The following ADAMTSL1 variants were observed in gnomAD, a reference collection of about 807,000 sequenced individuals.
ADAMTSL1 encodes the protein ADAMTS like 1, also known as ADAMTS-like protein 1.
ADAMTSL1 carries 126 observed loss-of-function variants against 201.8 expected under a neutral mutation model. The observed-to-expected ratio is 0.62, with a 90% confidence interval of 0.54 to 0.72. The LOEUF is 0.72. Ranked by LOEUF, ADAMTSL1 falls within the 30% of genes least tolerant of loss-of-function variation. The pLI is 0.00. For missense variants in ADAMTSL1, 2,679 were observed against 2,277.8 expected, an observed-to-expected ratio of 1.18 and a Z score of -3.59; for synonymous variants, 1,121 against 903.4, an observed-to-expected ratio of 1.24 and a Z score of -4.32.
At chr9:18,366,278 G>C (rs1836762813) in intron 2 of ADAMTSL1, among the ~76,000 whole-genome samples, 1 of 151,452 alleles carries the variant, frequency 6.6e-6, no homozygotes. Flanking sequence ...GCTTATACAA[G>C]TTTTTCATAG....
intron 2 of ADAMTSL1, among the ~76,000 whole-genome samples, chr9:18,168,139 G>GTCCC (rs1563780353): frequency 7.9e-5 from 12 of 151,796 alleles, no homozygotes; most frequent in Non-Finnish European, 1.6e-4. Context: ...AATACTTTAA[G>GTCCC]TTTTAGGATA....
At chr9:18,434,717 A>C (rs190929097) in intron 2 of ADAMTSL1, among the ~76,000 whole-genome samples, 9 of 152,266 alleles carry the variant, frequency 5.9e-5, no homozygotes, top group Admixed American at 5.2e-4. Context: ...GAATTGAAAC[A>C]CTCAAATGGC....
At chr9:18,798,063 C>T (rs868411507) in intron 20 of ADAMTSL1, among the ~76,000 whole-genome samples, 4 of 151,098 alleles carry the variant, frequency 2.6e-5, no homozygotes, top group South Asian at 2.1e-4. Flanking sequence ...GGGGTTTTTT[C>T]CTGGACTTTA....
chr9:18,782,576 A>G (rs1203632122), intron 19 of ADAMTSL1, among the ~76,000 whole-genome samples: 1 of 152,262 alleles, frequency 6.6e-6, no homozygotes, highest in Admixed American at 6.5e-5. Context: ...GTACTAAATA[A>G]TAGTGAATGA....
chr9:18,676,639 C>T (rs1830147346), intron 10 of ADAMTSL1, among the ~76,000 whole-genome samples: 1 of 151,952 alleles, frequency 6.6e-6, no homozygotes, highest in South Asian at 2.1e-4. Flanking sequence ...GGAAACAGCT[C>T]CACAGAGAGC....
At chr9:18,785,316 T>C (rs1821639843) in intron 19 of ADAMTSL1, among the ~76,000 whole-genome samples, 1 of 152,214 alleles carries the variant, frequency 6.6e-6, no homozygotes, top group Admixed American at 6.5e-5. Flanking sequence ...CCAGCATAAA[T>C]TAACATTCAA....
At chr9:18,052,148 C>T (rs1425237699) in intron 1 of ADAMTSL1, among the ~76,000 whole-genome samples, 1 of 152,214 alleles carries the variant, frequency 6.6e-6, no homozygotes, top group African/African-American at 2.4e-5. Context: ...ATACTTCTAT[C>T]AGTCAATGAG....
chr9:18,681,705 G>GGC (rs1830496348), intron 11 of ADAMTSL1, 107 bp from the exon 12 acceptor site: 8 of 721,092 alleles, frequency 1.1e-5, no homozygotes, highest in South Asian at 3.1e-5. Context: ...TGTGGGGGGG[G>GGC]GGGGCGGGGA....
chr9:18,217,625 A>C (rs1226675808), intron 2 of ADAMTSL1, among the ~76,000 whole-genome samples: 1 of 152,172 alleles, frequency 6.6e-6, no homozygotes, highest in Non-Finnish European at 1.5e-5. Context: ...GGTTATGTCT[A>C]AATGTAGTTT....
chr9:18,076,103 A>G lies in ADAMTSL1; in HGVS notation c.88-87759A>G, dbSNP rs375760173. Among the ~76,000 whole-genome samples, 17 of 152,330 alleles carry G rather than the reference A, an allele frequency of 1.1e-4. No homozygotes were observed. In the East Asian group the frequency reaches 2.3e-3, roughly 21 times the overall value. On this transcript the variant is annotated intron_variant, in intron 1 of 29. Coordinates refer to the ADAMTSL1 transcript ENST00000680146. Reference sequence around the variant, plus strand: ...TTTGGTTTCTCTAAACAATGTGCCAATGAATAATTGTGACTTCCTCAAATC... The same window carrying G: ...TTTGGTTTCTCTAAACAATGTGCCAGTGAATAATTGTGACTTCCTCAAATC...
At chr9:18,503,968 A>G (rs1467808974) in intron 1 of ADAMTSL1, among the ~76,000 whole-genome samples, 2 of 141,788 alleles carry the variant, frequency 1.4e-5, no homozygotes, top group Admixed American at 7.4e-5. Flanking sequence ...TTCCTATATA[A>G]TATGTGCATG....
intron 1 of ADAMTSL1, among the ~76,000 whole-genome samples, chr9:18,050,040 A>T (rs958170455): frequency 6.6e-6 from 1 of 152,222 alleles, no homozygotes; most frequent in Non-Finnish European, 1.5e-5. Flanking sequence ...CTATGTTTAC[A>T]TATTCCTTGA....
chr9:18,533,077 C>A (rs150827763), intron 2 of ADAMTSL1, among the ~76,000 whole-genome samples, 170 bp from the exon 3 acceptor site: 1 of 152,042 alleles, frequency 6.6e-6, no homozygotes, highest in Non-Finnish European at 1.5e-5. Flanking sequence ...ACATCTATAA[C>A]TTCTTTAAAT....
chr9:18,111,576 T>C (rs1210450055), intron 1 of ADAMTSL1, among the ~76,000 whole-genome samples: 2 of 152,158 alleles, frequency 1.3e-5, no homozygotes, highest in East Asian at 1.9e-4. Context: ...TCAATAAATA[T>C]TTACCTCTAA....
intron 16 of ADAMTSL1, among the ~76,000 whole-genome samples, chr9:18,767,881 A>G (rs191212995): frequency 3.3e-5 from 5 of 152,320 alleles, no homozygotes; most frequent in African/African-American, 1.2e-4. Context: ...CTCTGAGACC[A>G]TAGATTTTGT....
chr9:18,447,314 A>G (rs1479487149), intron 2 of ADAMTSL1, among the ~76,000 whole-genome samples: 2 of 152,166 alleles, frequency 1.3e-5, no homozygotes, highest in Admixed American at 6.5e-5. Flanking sequence ...ATGTGTCACA[A>G]TCCCTGAAGC....
chr9:17,993,203 A>T (rs543515631), intron 1 of ADAMTSL1, among the ~76,000 whole-genome samples: 2 of 152,190 alleles, frequency 1.3e-5, no homozygotes, highest in Non-Finnish European at 2.9e-5. Context: ...GAGTTGTAAG[A>T]ATTATGAAAT....
At chr9:18,681,703 G>GGC (rs1554728689) in intron 11 of ADAMTSL1, 109 bp from the exon 12 acceptor site, 7 of 710,286 alleles carry the variant, frequency 9.9e-6, no homozygotes, top group East Asian at 6.7e-5. Context: ...CGTGTGGGGG[G>GGC]GGGGGGCGGG....
intron 2 of ADAMTSL1, among the ~76,000 whole-genome samples, chr9:18,290,787 T>TGG (rs67205734): frequency 6.8e-6 from 1 of 146,102 alleles, no homozygotes; most frequent in East Asian, 2.0e-4. Flanking sequence ...GTGTGTTTTT[T>TGG]TTTTTTTTTT....
Sources: allele counts gnomAD v4.1 joint callset (sites outside exome capture counted in the v4.1 genomes callset), GRCh38; gene constraint gnomAD v4.1.1; transcripts MANE v1.5; gene names NCBI Gene and HGNC (gene_info 2026-07-23, HGNC 2026-07-21).